The following DSCAM variants were observed in gnomAD, a reference collection of about 807,000 sequenced individuals.
DSCAM encodes the protein DS cell adhesion molecule.
In DSCAM, 47 loss-of-function variants were observed where a neutral mutation model predicts 217.7. The ratio of observed to expected loss-of-function variants is 0.22; its 90% CI spans 0.17 to 0.28. DSCAM has a LOEUF of 0.28. DSCAM is among the 10% of genes least tolerant of loss of function. DSCAM has a pLI of 1.00. For synonymous variants in DSCAM, 1,056 were observed against 1,015.3 expected (o/e 1.04, Z -0.76); for missense variants, 2,080 against 2,618.3 (o/e 0.79, Z 4.49).
chr21:40,300,674 T>C (rs953271722), intron 9 of DSCAM, among the ~76,000 whole-genome samples: 1 of 152,220 alleles, frequency 6.6e-6, no homozygotes, highest in African/African-American at 2.4e-5. Flanking sequence ...TGCCTCTGCC[T>C]CAGTTTCCTC....
chr21:40,820,390 C>T (rs1434619989), intron 1 of DSCAM, among the ~76,000 whole-genome samples: 5 of 152,070 alleles, frequency 3.3e-5, no homozygotes, highest in Non-Finnish European at 7.4e-5. Flanking sequence ...TGTTCTCACT[C>T]GTAAGTGGAA....
chr21:40,297,655 C>A (rs574572566), intron 9 of DSCAM, among the ~76,000 whole-genome samples: 1 of 152,202 alleles, frequency 6.6e-6, no homozygotes, highest in Non-Finnish European at 1.5e-5. Flanking sequence ...ACGTGACGAT[C>A]GCTTTGGCCA....
intron 3 of DSCAM, among the ~76,000 whole-genome samples, chr21:40,434,330 C>T (rs184205171): frequency 6.6e-5 from 10 of 152,310 alleles, no homozygotes; most frequent in East Asian, 1.9e-4. Context: ...ACGCCAACAA[C>T]GGCGTCAAAC....
chr21:40,074,457 G>C lies in DSCAM; in HGVS notation c.4888+580C>G, dbSNP rs556557597. 5.3e-5 allele frequency among the ~76,000 whole-genome samples: 8 copies of C among 152,286 alleles called. No individual in the cohort carries two copies. In the East Asian group the frequency reaches 1.4e-3, roughly 26 times the overall value. The stretch of plus-strand genomic sequence containing the variant: ...GAACAGCCTCATCACAGAACGACAC[G>C]GGGCTGGACATTATAATCATGGTGT... On this transcript the variant is annotated intron_variant, in intron 27 of 32. Coordinates refer to ENST00000400454, the MANE Select transcript of DSCAM (RefSeq NM_001389.5).
In DSCAM at chr21:40,514,887, T is replaced by C. The variant is rs147670554; in HGVS notation, c.509-145642A>G. Reference sequence around the variant, plus strand: ...GTATAAAGATGTGGAATGGGTCAGCTGATCATTCTGGCCCCAAACTGCGGC... The same window carrying C: ...GTATAAAGATGTGGAATGGGTCAGCCGATCATTCTGGCCCCAAACTGCGGC... On this transcript the variant is annotated intron_variant, in intron 3 of 32. Coordinates refer to ENST00000400454, the MANE Select transcript of DSCAM (RefSeq NM_001389.5). Among the ~76,000 whole-genome samples the C allele has an allele frequency of 7.5e-3, 1,146 of 152,332 alleles. 14 individuals are homozygous for C. Among genetic ancestry groups the C allele is most frequent in the African/African-American group, 0.026 (1,081 of 41,576 alleles).
At chr21:40,731,095 G>A (rs559122764) in intron 1 of DSCAM, among the ~76,000 whole-genome samples, 7 of 152,092 alleles carry the variant, frequency 4.6e-5, no homozygotes, top group South Asian at 2.1e-4. Context: ...TATGAGCTTC[G>A]GTAAGGAAGG....
chr21:40,176,897 T>C, intron 15 of DSCAM, among the ~76,000 whole-genome samples: 1 of 152,220 alleles, frequency 6.6e-6, no homozygotes, highest in Non-Finnish European at 1.5e-5. Context: ...CCATGGCAAC[T>C]GCCAGCCGCA....
intron 3 of DSCAM, among the ~76,000 whole-genome samples, chr21:40,556,243 A>AT (rs1189236393): frequency 6.6e-6 from 1 of 152,176 alleles, no homozygotes; most frequent in East Asian, 1.9e-4. Context: ...CCACACAGTT[A>AT]AAAATATATG....
At chr21:40,089,726 T>C (rs948284225) in intron 21 of DSCAM, among the ~76,000 whole-genome samples, 2 of 152,122 alleles carry the variant, frequency 1.3e-5, no homozygotes, top group African/African-American at 4.8e-5. Flanking sequence ...GGTTTGCCAG[T>C]GTCTGGGCTT....
chr21:40,779,617 T>C (rs1042754784), intron 1 of DSCAM, among the ~76,000 whole-genome samples: 1 of 152,114 alleles, frequency 6.6e-6, no homozygotes, highest in Non-Finnish European at 1.5e-5. Context: ...AGCAAATCAA[T>C]AAATAATTTT....
chr21:40,138,623 T>C (rs2090244401), intron 18 of DSCAM, among the ~76,000 whole-genome samples: 1 of 128,260 alleles, frequency 7.8e-6, no homozygotes, highest in African/African-American at 3.1e-5. Flanking sequence ...GGTGAGTGTG[T>C]GGTGTATGTG....
At chr21:40,369,875 T>C (rs2074876615) in intron 3 of DSCAM, among the ~76,000 whole-genome samples, 1 of 152,222 alleles carries the variant, frequency 6.6e-6, no homozygotes. Flanking sequence ...TAGAATACTC[T>C]GTTATTTCTT....
chr21:40,421,619 C>T (rs1454688125), intron 3 of DSCAM, among the ~76,000 whole-genome samples: 1 of 152,226 alleles, frequency 6.6e-6, no homozygotes, highest in African/African-American at 2.4e-5. Flanking sequence ...CTTTTACTGC[C>T]TCTCACAGTC....
At chr21:40,545,645 C>T (rs1359867472) in intron 3 of DSCAM, among the ~76,000 whole-genome samples, 1 of 152,068 alleles carries the variant, frequency 6.6e-6, no homozygotes, top group African/African-American at 2.4e-5. Context: ...GGACACTTGG[C>T]AGGGGTAAGA....
rs1462825800 is a variant in DSCAM, at chr21:40,674,628, TTTTC to T, written c.508+18178_508+18181del. Among the ~76,000 whole-genome samples, 306 of 51,560 alleles carry T rather than the reference TTTTC, an allele frequency of 5.9e-3. 2 individuals are homozygous for T. Among genetic ancestry groups the T allele is most frequent in the African/African-American group, 0.015 (279 of 18,866 alleles). 33.8% of individuals were successfully genotyped at this position (51,560 alleles called of 152,430 possible). On this transcript the variant is annotated intron_variant, in intron 3 of 32. Coordinates refer to ENST00000400454, the MANE Select transcript of DSCAM (RefSeq NM_001389.5). ...AAAGGTATTTTCTTTTTCTTTTTCT[TTTTC>T]TTTTTTTTTTTTTTTTTTGAGACGG...
chr21:40,050,901 A>G (rs1204691482), intron 30 of DSCAM, among the ~76,000 whole-genome samples: 1 of 152,260 alleles, frequency 6.6e-6, no homozygotes, highest in Admixed American at 6.5e-5. Context: ...AAGATTAGAC[A>G]AAAGGAAGAG....
intron 1 of DSCAM, among the ~76,000 whole-genome samples, chr21:40,731,051 G>A (rs2091006385): frequency 6.6e-6 from 1 of 152,110 alleles, no homozygotes; most frequent in Admixed American, 6.5e-5. Flanking sequence ...TTTAAAGTAT[G>A]AGGCCAGTAA....
chr21:40,404,728 T>C (rs1337391193), intron 3 of DSCAM, among the ~76,000 whole-genome samples: 1 of 152,208 alleles, frequency 6.6e-6, no homozygotes, highest in Non-Finnish European at 1.5e-5. Flanking sequence ...GAATAGTGAG[T>C]GGAGGAAGGC....
Position 40,828,658 on chromosome 21 carries a change from CT to C in DSCAM, c.43+17960del, listed in dbSNP as rs35167327. On this transcript the variant is annotated intron_variant, in intron 1 of 32. Transcript: ENST00000400454. The stretch of plus-strand genomic sequence containing the variant: ...CAGGAACCAGGGGACACCCCACCCT[CT>C]TTTTTTTTTTTTTTTTGAGACAGTC... Among the ~76,000 whole-genome samples the C allele has an allele frequency of 3.9e-3, 513 of 132,460 alleles. 4 individuals are homozygous for C. Among genetic ancestry groups the C allele is most frequent in the Non-Finnish European group, 5.8e-3 (366 of 63,368 alleles). The allele number at this position is 132,460 out of a possible 152,430, so 86.9% of individuals were successfully genotyped here. A position where few individuals can be genotyped will look rare whatever the true frequency, so the allele number is the denominator to read the frequency against.
Sources: gnomAD v4.1 joint callset for allele counts (sites outside exome capture counted in the v4.1 genomes callset) on GRCh38, gnomAD v4.1.1 for gene constraint, MANE v1.5 for transcripts, NCBI Gene and HGNC (gene_info 2026-07-23, HGNC 2026-07-21) for gene names.